The following ST7 variants were observed in gnomAD, a reference collection of about 807,000 sequenced individuals.
ST7 encodes suppression of tumorigenicity 7, also known as suppressor of tumorigenicity 7 protein.
ST7 carries 28 observed loss-of-function variants against 78.7 expected under a neutral mutation model. The observed-to-expected ratio is 0.36, with a 90% CI of 0.26 to 0.49. The LOEUF is 0.49. ST7 is among the 20% of genes least tolerant of loss of function. ST7 has a pLI of 0.99. For missense variants in ST7, 418 were observed against 696.0 expected (o/e 0.60, Z 4.49); for synonymous variants, 247 against 249.6 (o/e 0.99, Z 0.10).
rs143254485 is a variant in ST7 at position 117,077,495 on chromosome 7, G to A, written c.152-22267G>A. ...GTATAACATATACATCTATGACAGG[G>A]TATGGCTAGCACACATATTTATTGA... On this transcript the variant is annotated intron_variant, in intron 1 of 15. Coordinates refer to ENST00000323984, the MANE Select transcript of ST7 (RefSeq NM_001369598.1). Among the ~76,000 whole-genome samples the A allele has an allele frequency of 2.4e-3, 362 of 152,278 alleles. 3 individuals are homozygous for A. The highest frequency in any genetic ancestry group is 0.014 in the Middle Eastern group (4 of 294).
At chr7:117,093,557 C>G (rs962170222) in intron 1 of ST7, among the ~76,000 whole-genome samples, 2 of 152,054 alleles carry the variant, frequency 1.3e-5, no homozygotes, top group Non-Finnish European at 2.9e-5. Context: ...CAAAATTAGC[C>G]GGGTGTGGTG....
chr7:117,044,142 T>A (rs2428289), intron 1 of ST7, among the ~76,000 whole-genome samples: 12,646 of 152,258 alleles, frequency 0.083, 571 homozygotes, highest in East Asian at 0.13. Flanking sequence ...GATGTCTTTT[T>A]TCTTTGGCTT....
At chr7:117,177,370 C>T (rs968485326) in intron 10 of ST7, among the ~76,000 whole-genome samples, 1 of 152,212 alleles carries the variant, frequency 6.6e-6, no homozygotes, top group African/African-American at 2.4e-5. Context: ...GGCACATGTA[C>T]AAACCCTCCA....
chr7:117,181,414 C>T (rs921318055), intron 10 of ST7, among the ~76,000 whole-genome samples: 9 of 152,106 alleles, frequency 5.9e-5, no homozygotes, highest in African/African-American at 2.2e-4. Flanking sequence ...TCAGTTCTGC[C>T]ACTCATTTGT....
chr7:117,189,823 A>C (rs1809611458), intron 11 of ST7, among the ~76,000 whole-genome samples: 1 of 152,184 alleles, frequency 6.6e-6, no homozygotes, highest in Admixed American at 6.5e-5. Context: ...TCAACTTCAA[A>C]TTAGCCCCCC....
At chr7:117,223,004 C>T (rs772527016) in intron 15 of ST7, 11 of 1,519,136 alleles carry the variant, frequency 7.2e-6, no homozygotes, top group Non-Finnish European at 1.0e-5. Flanking sequence ...CTTCCCCCAC[C>T]ACCAAAACTG....
chr7:116,972,636 CT>C, intron 1 of ST7: 1 of 1,231,012 alleles, frequency 8.1e-7, no homozygotes, highest in East Asian at 2.3e-5. Context: ...TTTCAATAAA[CT>C]TCATACCTCT....
intron 1 of ST7, among the ~76,000 whole-genome samples, chr7:117,000,448 CTTTAATACCTTTATGAGGTA>C (rs1240116332): frequency 6.6e-6 from 1 of 152,182 alleles, no homozygotes; most frequent in Non-Finnish European, 1.5e-5. Context: ...TTTGAGATAA[CTTTAATACCTTTATGAGGTA>C]TTTAATACCT....
intron 1 of ST7, among the ~76,000 whole-genome samples, chr7:117,017,681 A>G (rs1186094957): frequency 6.6e-6 from 1 of 151,728 alleles, no homozygotes; most frequent in Non-Finnish European, 1.5e-5. Flanking sequence ...TTCATCCTTC[A>G]TTTTTCTTCA....
intron 7 of ST7, 59 bp downstream of exon 7, chr7:117,134,251 T>C (rs954296677): frequency 6.2e-7 from 1 of 1,606,842 alleles, no homozygotes; most frequent in East Asian, 2.2e-5. Flanking sequence ...CTAGTGGATA[T>C]CTGGATGGTT....
At chr7:117,212,224 A>G (rs550974762) in intron 13 of ST7, among the ~76,000 whole-genome samples, 86 of 152,226 alleles carry the variant, frequency 5.6e-4, no homozygotes, top group African/African-American at 1.9e-3. Flanking sequence ...TACATCATTC[A>G]CTCTTCCTGA....
chr7:117,022,164 T>C (rs1048841291), intron 1 of ST7, among the ~76,000 whole-genome samples: 3 of 152,198 alleles, frequency 2.0e-5, no homozygotes, highest in Non-Finnish European at 4.4e-5. Flanking sequence ...ACCTATGCGC[T>C]GTATGGTATG....
At chr7:117,014,213 A>G (rs539061410) in intron 1 of ST7, among the ~76,000 whole-genome samples, 232 of 152,374 alleles carry the variant, frequency 1.5e-3, no homozygotes, top group Non-Finnish European at 2.1e-3. Flanking sequence ...GTCTTTTGGC[A>G]AGGTAAATAA....
At chr7:117,138,071 A>T (rs979347177) in intron 8 of ST7, among the ~76,000 whole-genome samples, 2 of 152,184 alleles carry the variant, frequency 1.3e-5, no homozygotes, top group African/African-American at 4.8e-5. Flanking sequence ...TGAAAAAAAA[A>T]TAGTTCATCA....
chr7:116,973,813 T>C (rs183167706), intron 1 of ST7, among the ~76,000 whole-genome samples: 1 of 152,240 alleles, frequency 6.6e-6, no homozygotes, highest in Non-Finnish European at 1.5e-5. Flanking sequence ...GTAGATATAC[T>C]TAATTTAATT....
intron 1 of ST7, among the ~76,000 whole-genome samples, chr7:117,089,887 A>T (rs1800464700): frequency 6.6e-6 from 1 of 151,982 alleles, no homozygotes; most frequent in Non-Finnish European, 1.5e-5. Flanking sequence ...TTTTTTAAAA[A>T]ACTTTCTTGC....
rs557683638 is a variant in ST7 at position 117,097,346 on chromosome 7, A to G, written c.152-2416A>G. On this transcript the variant is annotated intron_variant, in intron 1 of 15. Coordinates refer to ENST00000323984, the MANE Select transcript of ST7 (RefSeq NM_001369598.1). ...TGCTGGCTTTTTTTTTTTTTTTGAG[A>G]TGCAGTTTTGCTCTTGTTGCCCAGG... Among the ~76,000 whole-genome samples, 392 of 146,036 alleles carry G rather than the reference A, an allele frequency of 2.7e-3. 1 individual carries two copies. Among genetic ancestry groups the G allele is most frequent in the Non-Finnish European group, 4.9e-3 (328 of 66,796 alleles).
rs190991172 is a variant in ST7 at position 116,997,058 on chromosome 7, C to A, written c.151+43367C>A. On this transcript the variant is annotated intron_variant, in intron 1 of 15. Transcript: ENST00000323984. ...TGAGCGTTACAGTTCACAAAGGTGG[C>A]GTGTCCAGAGTTTGTTCCTTCTGAT... Among the ~76,000 whole-genome samples the A allele has an allele frequency of 4.3e-4, 65 of 152,140 alleles. 1 individual carries two copies. Among genetic ancestry groups the A allele is most frequent in the Non-Finnish European group, 7.6e-4 (52 of 68,010 alleles).
chr7:117,181,440 A>G (rs934890343), intron 10 of ST7, among the ~76,000 whole-genome samples: 1 of 152,318 alleles, frequency 6.6e-6, no homozygotes, highest in Admixed American at 6.5e-5. Flanking sequence ...GGCTCTTAAG[A>G]AAATCGTTTA....
Sources: allele counts gnomAD v4.1 joint callset (sites outside exome capture counted in the v4.1 genomes callset), GRCh38; gene constraint gnomAD v4.1.1; transcripts MANE v1.5; gene names NCBI Gene and HGNC (gene_info 2026-07-23, HGNC 2026-07-21).